ALCAM: variants seen among roughly 807,000 people sequenced by gnomAD.
ALCAM encodes CD166 antigen.
Under a neutral mutation model 70.9 loss-of-function variants are expected in ALCAM, and 30 were observed. The observed-to-expected ratio is 0.42, with a 90% CI of 0.32 to 0.57. ALCAM has a LOEUF of 0.57. Ranked by LOEUF, ALCAM falls within the 20% of genes least tolerant of loss-of-function variation. The pLI, the probability that ALCAM is intolerant of heterozygous loss-of-function variation, is 0.11. For synonymous variants in ALCAM, 249 were observed against 242.5 expected (o/e 1.03, Z -0.25); for missense variants, 591 against 695.1 (o/e 0.85, Z 1.68).
intron 4 of ALCAM, 138 bp downstream of exon 4, chr3:105,532,204 C>A: frequency 1.4e-6 from 1 of 723,992 alleles, no homozygotes; most frequent in Non-Finnish European, 2.4e-6. Flanking sequence ...CAGAAATTAT[C>A]TACAAGGCAC....
At chr3:105,404,501 G>GA (rs1936170439) in intron 1 of ALCAM, among the ~76,000 whole-genome samples, 1 of 152,060 alleles carries the variant, frequency 6.6e-6, no homozygotes, top group African/African-American at 2.4e-5. Context: ...ATAAATGAAG[G>GA]AAAGATACAG....
intron 1 of ALCAM, among the ~76,000 whole-genome samples, chr3:105,399,024 C>T (rs1936022910): frequency 6.6e-6 from 1 of 151,916 alleles, no homozygotes; most frequent in African/African-American, 2.4e-5. Context: ...ACTCAAAATA[C>T]ATAGAAATGC....
chr3:105,389,264 G>A (rs1465737179), intron 1 of ALCAM, among the ~76,000 whole-genome samples: 2 of 149,456 alleles, frequency 1.3e-5, no homozygotes, highest in Non-Finnish European at 3.0e-5. Context: ...CGGGATGAAA[G>A]TAAGAAAGAA....
At chr3:105,411,979 C>T (rs915449949) in intron 1 of ALCAM, among the ~76,000 whole-genome samples, 11 of 151,586 alleles carry the variant, frequency 7.3e-5, no homozygotes, top group South Asian at 4.2e-4. Flanking sequence ...GGAGCAAAGG[C>T]GAAAAAAATC....
intron 2 of ALCAM, among the ~76,000 whole-genome samples, chr3:105,523,841 A>G (rs936155088): frequency 6.6e-6 from 1 of 152,224 alleles, no homozygotes; most frequent in Non-Finnish European, 1.5e-5. Flanking sequence ...AGAGGTGTGG[A>G]CATTTAAAAT....
chr3:105,405,792 C>T (rs988007239), intron 1 of ALCAM, among the ~76,000 whole-genome samples: 3 of 152,136 alleles, frequency 2.0e-5, no homozygotes, highest in Non-Finnish European at 2.9e-5. Flanking sequence ...AAATAACTTG[C>T]TCCTCCATGA....
chr3:105,572,162 C>T (rs1391305060), intron 15 of ALCAM, among the ~76,000 whole-genome samples, 198 bp downstream of exon 15: 2 of 151,908 alleles, frequency 1.3e-5, no homozygotes, highest in Non-Finnish European at 2.9e-5. Context: ...CTGGTATAAA[C>T]GTGCCATGGT....
At chr3:105,551,660 G>A (rs1386572776) in intron 12 of ALCAM, among the ~76,000 whole-genome samples, 1 of 151,560 alleles carries the variant, frequency 6.6e-6, no homozygotes, top group African/African-American at 2.4e-5. Context: ...AATCTCGGAG[G>A]TATCCCCAGT....
At chr3:105,423,191 C>T (rs1385304972) in intron 1 of ALCAM, among the ~76,000 whole-genome samples, 1 of 151,256 alleles carries the variant, frequency 6.6e-6, no homozygotes, top group Non-Finnish European at 1.5e-5. Flanking sequence ...ATTATAATGT[C>T]TTTAGTTCAC....
chr3:105,552,885 G>A (rs1940443396), intron 14 of ALCAM: 1 of 1,133,008 alleles, frequency 8.8e-7, no homozygotes, highest in Non-Finnish European at 1.1e-6. Context: ...ACTTCCTAAA[G>A]GTCAACAACC....
chr3:105,526,954 C>T (rs772042326), intron 3 of ALCAM, among the ~76,000 whole-genome samples: 15 of 152,160 alleles, frequency 9.9e-5, no homozygotes, highest in Non-Finnish European at 1.9e-4. Context: ...TGATTGCCAT[C>T]CTCATGAGCT....
chr3:105,540,043 A>G lies in ALCAM; in HGVS notation c.799A>G (p.Thr267Ala), dbSNP rs779070106. 6.2e-7 allele frequency: 1 copy of G among 1,612,462 alleles called. No individual in the cohort carries two copies. The highest frequency in any genetic ancestry group is 8.5e-7 in the Non-Finnish European group (1 of 1,178,918). ...KNAIKEGDNI[T>A]LKCLGNGNPP... is the part of the protein sequence containing the mutation. ...TGCCATCAAAGAAGGGGATAACATC[A>G]CTCTTAAATGCTTAGGGAATGGCAA... The change falls in exon 7 of 16, where the codon ACT (threonine) becomes GCT (alanine). Residue 267 changes from threonine to alanine, a missense_variant. By Grantham distance (58) the Thr-to-Ala change is moderately conservative. Coordinates refer to ENST00000306107, the MANE Select transcript of ALCAM (RefSeq NM_001627.4).
At chr3:105,485,188 T>G (rs1938391672) in intron 1 of ALCAM, among the ~76,000 whole-genome samples, 2 of 152,094 alleles carry the variant, frequency 1.3e-5, no homozygotes, top group African/African-American at 4.8e-5. Context: ...CATGAAAAGA[T>G]GCTTGTGGAT....
chr3:105,451,999 G>C (rs1028714247), intron 1 of ALCAM, among the ~76,000 whole-genome samples: 1 of 151,940 alleles, frequency 6.6e-6, no homozygotes, highest in Non-Finnish European at 1.5e-5. Context: ...TCTGCCTCTG[G>C]TTTGTGGCTT....
At chr3:105,424,595 A>C (rs1192169753) in intron 1 of ALCAM, among the ~76,000 whole-genome samples, 1 of 151,722 alleles carries the variant, frequency 6.6e-6, no homozygotes, top group African/African-American at 2.4e-5. Context: ...GACAGGCATT[A>C]TAATAGGAAT....
At chr3:105,556,623 AAACAATGTTATGTTAACATTGTTAAAATT>A (rs1384206331) in intron 14 of ALCAM, among the ~76,000 whole-genome samples, 1 of 152,014 alleles carries the variant, frequency 6.6e-6, no homozygotes, top group East Asian at 1.9e-4. Context: ...AAACCTCAAT[AAACAATGTTATGTTAACATTGTTAAAATT>A]AACAATGTTA....
intron 1 of ALCAM, among the ~76,000 whole-genome samples, chr3:105,452,481 G>C (rs1243608501): frequency 6.6e-6 from 1 of 152,050 alleles, no homozygotes; most frequent in Non-Finnish European, 1.5e-5. Flanking sequence ...CTATTGATGG[G>C]CATTTGTGTT....
intron 1 of ALCAM, among the ~76,000 whole-genome samples, chr3:105,454,058 T>C (rs1218232135): frequency 6.6e-6 from 1 of 152,136 alleles, no homozygotes; most frequent in Non-Finnish European, 1.5e-5. Context: ...GATGAGAAAA[T>C]TGAGGCCCTG....
intron 8 of ALCAM, 141 bp downstream of exon 8, chr3:105,541,906 G>A: frequency 5.5e-6 from 6 of 1,090,446 alleles, no homozygotes; most frequent in East Asian, 2.5e-5. Context: ...AGAAAGCATC[G>A]GGATAAGCTC....
Sources: allele counts gnomAD v4.1 joint callset (sites outside exome capture counted in the v4.1 genomes callset), GRCh38; gene constraint gnomAD v4.1.1; transcripts MANE v1.5; gene names NCBI Gene and HGNC (gene_info 2026-07-23, HGNC 2026-07-21).